The following KHDRBS2 variants were observed in gnomAD, a reference collection of about 807,000 sequenced individuals.
KHDRBS2 encodes KH domain-containing, RNA-binding, signal transduction-associated protein 2.
A neutral mutation model predicts 44.3 loss-of-function variants in KHDRBS2; 26 were observed. That is an observed-to-expected ratio of 0.59 (90% confidence interval 0.43 to 0.81). KHDRBS2 has a LOEUF of 0.81. Ranked by LOEUF, KHDRBS2 falls within the 40% of genes least tolerant of loss-of-function variation. The pLI, the probability that KHDRBS2 is intolerant of heterozygous loss-of-function variation, is 0.00. For missense variants in KHDRBS2, 476 were observed against 433.1 expected (o/e 1.10, Z -0.88); for synonymous variants, 194 against 151.1 (o/e 1.28, Z -2.08).
At chr6:62,050,567 C>T (rs925633039) in intron 2 of KHDRBS2, among the ~76,000 whole-genome samples, 15 of 151,900 alleles carry the variant, frequency 9.9e-5, no homozygotes, top group African/African-American at 3.6e-4. Flanking sequence ...CTATAAAGAA[C>T]TCCATCGAAT....
At chr6:61,822,939 T>C (rs912730566) in intron 6 of KHDRBS2, among the ~76,000 whole-genome samples, 7 of 152,072 alleles carry the variant, frequency 4.6e-5, no homozygotes, top group Non-Finnish European at 7.4e-5. Flanking sequence ...TTTGTAACTC[T>C]ATATTCCACC....
intron 6 of KHDRBS2, among the ~76,000 whole-genome samples, chr6:61,876,967 T>C (rs1407517714): frequency 6.6e-6 from 1 of 151,974 alleles, no homozygotes; most frequent in African/African-American, 2.4e-5. Flanking sequence ...AGACTGGGAG[T>C]TGGCAAACTA....
intron 4 of KHDRBS2, among the ~76,000 whole-genome samples, chr6:61,973,795 G>A (rs1291349995): frequency 6.6e-6 from 1 of 152,088 alleles, no homozygotes; most frequent in Non-Finnish European, 1.5e-5. Context: ...AATTTTTCAA[G>A]TTCTGTCAAC....
At chr6:62,163,320 G>A (rs183977998) in intron 2 of KHDRBS2, among the ~76,000 whole-genome samples, 1 of 151,968 alleles carries the variant, frequency 6.6e-6, no homozygotes, top group African/African-American at 2.4e-5. Context: ...ACAGGAATAA[G>A]GATCATATTT....
At chr6:62,215,880 A>G (rs548509892) in intron 1 of KHDRBS2, among the ~76,000 whole-genome samples, 86 of 151,930 alleles carry the variant, frequency 5.7e-4, no homozygotes, top group African/African-American at 2.0e-3. Context: ...AGAGATAATC[A>G]ATGTAAATAT....
At chr6:61,629,410 C>G in the KHDRBS2 span, among the ~76,000 whole-genome samples, 1 of 152,114 alleles carries the variant, frequency 6.6e-6, no homozygotes, top group South Asian at 2.1e-4. Context: ...CCATATATAA[C>G]TGAAGACGAA....
chr6:61,792,578 G>T (rs1441754398), intron 6 of KHDRBS2, among the ~76,000 whole-genome samples: 5 of 150,598 alleles, frequency 3.3e-5, no homozygotes, highest in African/African-American at 7.3e-5. Flanking sequence ...TAGAGTGATA[G>T]TTTTTTTTTA....
At chr6:61,894,876 G>T (rs1802648076) in intron 5 of KHDRBS2, 43 bp from the exon 6 acceptor site, 1 of 1,407,638 alleles carries the variant, frequency 7.1e-7, no homozygotes, top group South Asian at 1.2e-5. Flanking sequence ...CAGGTGATGA[G>T]AGAAAAGGGC....
At chr6:62,094,039 T>C (rs1800047511) in intron 2 of KHDRBS2, among the ~76,000 whole-genome samples, 2 of 151,932 alleles carry the variant, frequency 1.3e-5, no homozygotes. Context: ...TTGGATATAA[T>C]ACCCAGTAGC....
At chr6:61,873,518 A>G (rs1217773482) in intron 6 of KHDRBS2, among the ~76,000 whole-genome samples, 1 of 152,088 alleles carries the variant, frequency 6.6e-6, no homozygotes, top group East Asian at 1.9e-4. Flanking sequence ...TAGGTAATTT[A>G]GTATATCTGC....
chr6:61,656,923 T>G, the KHDRBS2 span, among the ~76,000 whole-genome samples: 1 of 152,024 alleles, frequency 6.6e-6, no homozygotes, highest in Non-Finnish European at 1.5e-5. Flanking sequence ...ATTTAATCAT[T>G]GCTTATAAAG....
intron 1 of KHDRBS2, among the ~76,000 whole-genome samples, chr6:62,240,534 A>G (rs1834425944): frequency 6.6e-6 from 1 of 151,056 alleles, no homozygotes; most frequent in African/African-American, 2.4e-5. Flanking sequence ...ACACACAATT[A>G]GATATATAAT....
At chr6:62,164,976 G>A (rs1818378613) in intron 2 of KHDRBS2, among the ~76,000 whole-genome samples, 1 of 151,780 alleles carries the variant, frequency 6.6e-6, no homozygotes, top group Non-Finnish European at 1.5e-5. Flanking sequence ...TTAGCTTCTT[G>A]TTCAGTTAGA....
At chr6:61,683,052 A>G (rs1183477969) in intron 8 of KHDRBS2, among the ~76,000 whole-genome samples, 2 of 151,766 alleles carry the variant, frequency 1.3e-5, no homozygotes, top group African/African-American at 2.4e-5. Flanking sequence ...ATTATTCCAG[A>G]GTGTTAGAAA....
chr6:61,757,333 A>C (rs1351499578), intron 6 of KHDRBS2, among the ~76,000 whole-genome samples: 1 of 152,152 alleles, frequency 6.6e-6, no homozygotes, highest in Non-Finnish European at 1.5e-5. Flanking sequence ...AAGTATTTAA[A>C]GATTTTACCT....
intron 7 of KHDRBS2, among the ~76,000 whole-genome samples, chr6:61,705,920 G>A (rs1002618370): frequency 2.0e-5 from 3 of 151,704 alleles, no homozygotes; most frequent in Non-Finnish European, 4.4e-5. Flanking sequence ...CTTTATATGT[G>A]CTATTATTTG....
At chr6:62,077,905 T>C (rs887884738) in intron 2 of KHDRBS2, among the ~76,000 whole-genome samples, 2 of 152,056 alleles carry the variant, frequency 1.3e-5, no homozygotes, top group Admixed American at 1.3e-4. Context: ...CCAGTGGCCA[T>C]AGCATCTCCT....
At chr6:62,242,447 C>T (rs1834832349) in intron 1 of KHDRBS2, among the ~76,000 whole-genome samples, 2 of 152,100 alleles carry the variant, frequency 1.3e-5, no homozygotes, top group African/African-American at 2.4e-5. Context: ...AGCAGCATCC[C>T]TGGCATCCAC....
At chr6:61,993,131 A>G (rs1562599654) in intron 3 of KHDRBS2, among the ~76,000 whole-genome samples, 2 of 152,152 alleles carry the variant, frequency 1.3e-5, no homozygotes, top group Non-Finnish European at 2.9e-5. Flanking sequence ...GAAAAGTGTA[A>G]AGGCAGAGTA....
Sources: gnomAD v4.1 joint callset for allele counts (sites outside exome capture counted in the v4.1 genomes callset) on GRCh38, gnomAD v4.1.1 for gene constraint, MANE v1.5 for transcripts, NCBI Gene and HGNC (gene_info 2026-07-23, HGNC 2026-07-21) for gene names.